Variants in PCDHA12 observed in about 807,000 individuals in gnomAD.
PCDHA12 encodes protocadherin alpha 12, also known as protocadherin alpha-12.
Under a neutral mutation model 60.0 loss-of-function variants are expected in PCDHA12, and 44 were observed. That is an observed-to-expected ratio of 0.73 (90% CI 0.58 to 0.94). The LOEUF is 0.94. PCDHA12 is among the 40% of genes least tolerant of loss of function. The pLI is 0.00. For synonymous variants in PCDHA12, 569 were observed against 553.0 expected, an observed-to-expected ratio of 1.03 and a Z score of -0.40; for missense variants, 1,276 against 1,239.7, an observed-to-expected ratio of 1.03 and a Z score of -0.44.
At chr5:140,967,957 C>A in intron 1 of PCDHA12, 1 of 1,614,222 alleles carries the variant, frequency 6.2e-7, no homozygotes, top group Admixed American at 1.7e-5. Context: ...CAGGCCCCAA[C>A]CGGAAAGTGA....
intron 1 of PCDHA12, among the ~76,000 whole-genome samples, chr5:140,933,958 G>A (rs2089541288): frequency 1.3e-5 from 2 of 151,998 alleles, no homozygotes; most frequent in South Asian, 4.1e-4. Context: ...AGGATCTGTA[G>A]TGATGTTTCC....
intron 1 of PCDHA12, chr5:140,966,540 C>G (rs1477712677): frequency 4.3e-6 from 2 of 462,788 alleles, no homozygotes; most frequent in African/African-American, 2.0e-5. Flanking sequence ...TTGAGCGACT[C>G]GGAGGCGAGC....
intron 1 of PCDHA12, among the ~76,000 whole-genome samples, chr5:140,896,083 T>G (rs1202809868): frequency 6.6e-6 from 1 of 152,184 alleles, no homozygotes; most frequent in African/African-American, 2.4e-5. Context: ...CATGCTGGGA[T>G]TACAGGCGTG....
At chr5:140,962,295 A>G (rs1215334325) in intron 1 of PCDHA12, among the ~76,000 whole-genome samples, 2 of 152,196 alleles carry the variant, frequency 1.3e-5, no homozygotes, top group African/African-American at 4.8e-5. Flanking sequence ...TTAATATTCT[A>G]TGATTCTTGT....
In PCDHA12 at chr5:140,882,320, C is replaced by T. The variant is rs374687530; in HGVS notation, c.2367+4481C>T. The T allele has an allele frequency of 2.8e-5, 45 of 1,614,182 alleles. No homozygotes were observed. The African/African-American group carries it at 5.6e-4, about 20-fold the overall frequency. On this transcript the variant is annotated intron_variant, in intron 1 of 3. Coordinates refer to ENST00000398631, the MANE Select transcript of PCDHA12 (RefSeq NM_018903.4). ...AAGACCGCGGCAACTACTGCTCTGG[C>T]TTCTGATCCTCGCAGCCTGGGAGAC... is the stretch of plus-strand genomic sequence containing the variant.
At chr5:140,977,862 A>G (rs142967836) in intron 1 of PCDHA12, among the ~76,000 whole-genome samples, 3 of 152,372 alleles carry the variant, frequency 2.0e-5, no homozygotes, top group African/African-American at 7.2e-5. Context: ...TCTACCAAAT[A>G]TGGTAAGTAT....
intron 1 of PCDHA12, among the ~76,000 whole-genome samples, chr5:140,878,662 C>G (rs1479409326): frequency 6.6e-6 from 1 of 152,194 alleles, no homozygotes; most frequent in African/African-American, 2.4e-5. Context: ...CCAGAGGCTT[C>G]TCTTTAACCA....
chr5:140,923,865 A>G (rs1422887617), intron 1 of PCDHA12, among the ~76,000 whole-genome samples: 1 of 152,226 alleles, frequency 6.6e-6, no homozygotes, highest in Non-Finnish European at 1.5e-5. Flanking sequence ...GGGAAGCCAA[A>G]AATCTGAGAA....
chr5:140,979,020 C>T lies in PCDHA12; in HGVS notation c.2426+13C>T. The T allele has an allele frequency of 6.2e-7, 1 of 1,613,708 alleles. No individual in the cohort carries two copies. Among genetic ancestry groups the T allele is most frequent in the Non-Finnish European group, 8.5e-7 (1 of 1,179,840 alleles). On this transcript the variant is annotated intron_variant, in intron 2 of 3. Transcript: ENST00000398631. ...CAGGCATGCACAGGTATGTATTTCC[C>T]TCCTCATTCACTCAGAAGTAACCTT...
intron 1 of PCDHA12, among the ~76,000 whole-genome samples, chr5:140,941,206 T>TCTTCCTTC (rs201128549): frequency 1.0e-4 from 10 of 95,674 alleles, no homozygotes; most frequent in African/African-American, 3.6e-4. Flanking sequence ...TTTCTTCCTT[T>TCTTCCTTC]CTTTCTTCCT....
At position 140,876,601 on chromosome 5, in the gene PCDHA12, C is replaced by A. The variant is rs143847585; in HGVS notation, c.1129C>A (p.Arg377Ser). The A allele has an allele frequency of 2.5e-4, 409 of 1,614,152 alleles. No individual in the cohort carries two copies. The highest frequency in any genetic ancestry group is 3.3e-4 in the Non-Finnish European group (387 of 1,180,034). ...TVIALISVSD[R>S]DSGANGQVIC... is the part of the protein sequence containing the mutation. ...CATTGCCCTGATTAGCGTGTCGGAT[C>A]GTGACTCTGGAGCCAATGGACAGGT... Residue 377 changes from arginine (R) to serine (S), a missense_variant, in exon 1 of 4, where the codon CGT becomes AGT. Coordinates refer to ENST00000398631, the MANE Select transcript of PCDHA12 (RefSeq NM_018903.4).
At chr5:140,940,159 C>CT (rs1401623923) in intron 1 of PCDHA12, among the ~76,000 whole-genome samples, 1 of 151,978 alleles carries the variant, frequency 6.6e-6, no homozygotes, top group East Asian at 1.9e-4. Context: ...TTTTGTTTGC[C>CT]TGAAATGTCA....
intron 1 of PCDHA12, among the ~76,000 whole-genome samples, chr5:140,923,204 C>T (rs1175108066): frequency 1.3e-5 from 2 of 151,950 alleles, no homozygotes; most frequent in Non-Finnish European, 2.9e-5. Flanking sequence ...ATTTGGGAGG[C>T]TAAGGTGAAA....
chr5:140,933,388 G>A lies in PCDHA12; in HGVS notation c.2368-45561G>A, dbSNP rs142801424. On this transcript the variant is annotated intron_variant, in intron 1 of 3. Transcript: ENST00000398631. Reference sequence around the variant, plus strand: ...CCCAAATTCCTTGGCTGTTCCTAGAGCCATCTGGTTACCATCTACAGATAT... The same window carrying A: ...CCCAAATTCCTTGGCTGTTCCTAGAACCATCTGGTTACCATCTACAGATAT... Among the ~76,000 whole-genome samples the A allele has an allele frequency of 5.4e-3, 828 of 152,024 alleles. 4 individuals carry two copies. The highest frequency in any genetic ancestry group is 0.019 in the African/African-American group (797 of 41,508).
At chr5:141,008,863 C>A (rs902385521) in intron 3 of PCDHA12, among the ~76,000 whole-genome samples, 2 of 152,204 alleles carry the variant, frequency 1.3e-5, no homozygotes, top group African/African-American at 2.4e-5. Flanking sequence ...CTCTTCCATG[C>A]TGCATCCCAC....
chr5:140,903,301 A>G (rs575233990), intron 1 of PCDHA12, among the ~76,000 whole-genome samples: 1 of 152,302 alleles, frequency 6.6e-6, no homozygotes, highest in East Asian at 1.9e-4. Context: ...GAAATTTAGT[A>G]TACAATAAAG....
chr5:140,878,333 G>C (rs947043628), intron 1 of PCDHA12, among the ~76,000 whole-genome samples: 4 of 152,000 alleles, frequency 2.6e-5, no homozygotes, highest in Admixed American at 6.5e-5. Flanking sequence ...TATATTCCAG[G>C]TATTATCACA....
At position 140,877,163 on chromosome 5, in the gene PCDHA12, C is replaced by T. The variant is rs782243946; in HGVS notation, c.1691C>T (p.Ala564Val). 1.9e-6 allele frequency: 3 copies of T among 1,613,816 alleles called. No individual in the cohort carries two copies. Among genetic ancestry groups the T allele is most frequent in the Non-Finnish European group, 2.5e-6 (3 of 1,179,846 alleles). The change falls in exon 1 of 4, where the codon GCA becomes GTA. Residue 564 changes from alanine (A) to valine (V), a missense_variant. Transcript: ENST00000398631. Reference sequence around the variant, plus strand: ...CTGGACGAGAACGACAACGCGCCGGCACTGCTGGCGACTCCGGCTGGCAGC... The same window carrying T: ...CTGGACGAGAACGACAACGCGCCGGTACTGCTGGCGACTCCGGCTGGCAGC... ...FVLDENDNAP[A>V]LLATPAGSAG... is the part of the protein sequence containing the mutation.
chr5:140,963,543 T>C (rs1390082859), intron 1 of PCDHA12, among the ~76,000 whole-genome samples: 2 of 152,238 alleles, frequency 1.3e-5, no homozygotes, highest in East Asian at 1.9e-4. Flanking sequence ...TACTTCATGA[T>C]ATAAAAAGGG....
Sources: allele counts gnomAD v4.1 joint callset (sites outside exome capture counted in the v4.1 genomes callset), GRCh38; gene constraint gnomAD v4.1.1; transcripts MANE v1.5; gene names NCBI Gene and HGNC (gene_info 2026-07-23, HGNC 2026-07-21).